TOX: variants seen among roughly 807,000 people sequenced by gnomAD.
The protein encoded by TOX is thymocyte selection-associated high mobility group box protein TOX.
In TOX, 11 loss-of-function variants were observed where a neutral mutation model predicts 53.7. The observed-to-expected ratio is 0.20, with a 90% CI of 0.13 to 0.34. TOX has a LOEUF of 0.34. TOX is among the 10% of genes least tolerant of loss of function. TOX has a pLI of 1.00. For missense variants in TOX, 570 were observed against 664.6 expected (o/e 0.86, Z 1.56); for synonymous variants, 225 against 245.3 (o/e 0.92, Z 0.77).
chr8:59,059,750 G>C (rs967317), intron 1 of TOX, among the ~76,000 whole-genome samples: 99,494 of 152,058 alleles, frequency 0.65, 33,905 homozygotes, highest in Middle Eastern at 0.77. Context: ...CTTATGTACA[G>C]AGTGTGGGAG....
chr8:58,968,304 T>C (rs1812940078), intron 1 of TOX, among the ~76,000 whole-genome samples: 3 of 152,136 alleles, frequency 2.0e-5, no homozygotes, highest in African/African-American at 7.2e-5. Flanking sequence ...TATCAGAAAA[T>C]GAGGAGCAAA....
intron 1 of TOX, among the ~76,000 whole-genome samples, chr8:59,100,404 T>C (rs2129424338): frequency 6.6e-6 from 1 of 152,318 alleles, no homozygotes; most frequent in East Asian, 1.9e-4. Context: ...GAATGGCTGA[T>C]TGTCCCAAGG....
intron 1 of TOX, among the ~76,000 whole-genome samples, chr8:59,106,691 A>G (rs1232994602): frequency 6.6e-6 from 1 of 152,154 alleles, no homozygotes; most frequent in Non-Finnish European, 1.5e-5. Context: ...TAAAATCTCC[A>G]TTCACATTCC....
intron 1 of TOX, among the ~76,000 whole-genome samples, chr8:58,976,896 C>G (rs1443271117): frequency 6.6e-6 from 1 of 152,194 alleles, no homozygotes; most frequent in Admixed American, 6.5e-5. Flanking sequence ...GCAAACCATG[C>G]TGTAAAAGGA....
intron 1 of TOX, among the ~76,000 whole-genome samples, chr8:59,088,605 G>A (rs1045670299): frequency 2.6e-5 from 4 of 152,202 alleles, no homozygotes; most frequent in Non-Finnish European, 4.4e-5. Flanking sequence ...AACAAGCCCC[G>A]GGTATTAGTC....
intron 3 of TOX, among the ~76,000 whole-genome samples, chr8:58,928,086 T>C (rs10089981): frequency 0.013 from 1,986 of 152,352 alleles, 56 homozygotes; most frequent in African/African-American, 0.046. Context: ...AAGTTTAATA[T>C]ATGTAACCCA....
intron 3 of TOX, among the ~76,000 whole-genome samples, chr8:58,921,500 A>G (rs1176673520): frequency 1.3e-5 from 2 of 152,238 alleles, no homozygotes; most frequent in Non-Finnish European, 2.9e-5. Flanking sequence ...TAAGGCCCAT[A>G]TAAGTTAAGT....
intron 1 of TOX, among the ~76,000 whole-genome samples, chr8:59,000,875 T>C (rs1046552893): frequency 6.6e-6 from 1 of 152,090 alleles, no homozygotes; most frequent in African/African-American, 2.4e-5. Flanking sequence ...AGAAAATAAA[T>C]AAACAGTTCA....
chr8:58,866,668 A>G (rs1009796074), intron 3 of TOX, among the ~76,000 whole-genome samples: 1 of 152,212 alleles, frequency 6.6e-6, no homozygotes, highest in East Asian at 1.9e-4. Context: ...ACATTTATAA[A>G]TTGATATTTG....
At chr8:58,905,625 T>C (rs975688835) in intron 3 of TOX, among the ~76,000 whole-genome samples, 11 of 152,220 alleles carry the variant, frequency 7.2e-5, no homozygotes, top group Admixed American at 5.9e-4. Flanking sequence ...TTGCTGAATT[T>C]ACTTTTTGTG....
intron 1 of TOX, among the ~76,000 whole-genome samples, chr8:59,054,327 A>C (rs1287500948): frequency 6.6e-6 from 1 of 152,202 alleles, no homozygotes; most frequent in Admixed American, 6.5e-5. Context: ...CTTTGGCAGA[A>C]AGAAGGCAAG....
intron 2 of TOX, among the ~76,000 whole-genome samples, chr8:58,948,327 T>A (rs1812559010): frequency 6.6e-6 from 1 of 152,180 alleles, no homozygotes; most frequent in Non-Finnish European, 1.5e-5. Flanking sequence ...ATGCAGGGCT[T>A]TCTCCCGCCA....
chr8:58,878,177 G>A (rs1048406860), intron 3 of TOX, among the ~76,000 whole-genome samples: 2 of 151,024 alleles, frequency 1.3e-5, no homozygotes, highest in African/African-American at 2.4e-5. Flanking sequence ...GTGGAAAGAG[G>A]CAATGACTCA....
intron 4 of TOX, among the ~76,000 whole-genome samples, chr8:58,838,839 CT>C (rs1810594584): frequency 6.6e-6 from 1 of 151,492 alleles, no homozygotes; most frequent in Non-Finnish European, 1.5e-5. Flanking sequence ...ACAGCTGGGA[CT>C]ACAGACGCGC....
chr8:59,008,149 C>A lies in TOX; in HGVS notation c.103-48141G>T, dbSNP rs570574539. 3.9e-5 allele frequency among the ~76,000 whole-genome samples: 6 copies of A among 152,290 alleles called. No homozygotes were observed. The East Asian group carries it at 1.2e-3, about 29-fold the overall frequency. On this transcript the variant is annotated intron_variant, in intron 1 of 8. Coordinates refer to ENST00000361421, the MANE Select transcript of TOX (RefSeq NM_014729.3). ...AAAACAGTTTTTCTTGGAATGATTG[C>A]CATTTCCCTCAGGTCAGTTGGTAAA...
At chr8:59,015,319 TAC>T (rs1813987756) in intron 1 of TOX, among the ~76,000 whole-genome samples, 1 of 152,218 alleles carries the variant, frequency 6.6e-6, no homozygotes, top group African/African-American at 2.4e-5. Flanking sequence ...CAAATTAAAT[TAC>T]AGAGATTTCT....
chr8:59,027,838 A>G (rs568949633), intron 1 of TOX, among the ~76,000 whole-genome samples: 1 of 152,236 alleles, frequency 6.6e-6, no homozygotes, highest in African/African-American at 2.4e-5. Context: ...ATATTTGAAC[A>G]TGGTAATAGG....
Position 59,118,531 on chromosome 8 carries a change from C to T in TOX, c.102+355G>A, listed in dbSNP as rs1805149257. The stretch of plus-strand genomic sequence containing the variant: ...CTGGGAAATAAACTGAATTCTCTTA[C>T]TCTGCCTCCGTTCCTGGACCCCAGA... On this transcript the variant is annotated intron_variant, in intron 1 of 8. Coordinates refer to ENST00000361421, the MANE Select transcript of TOX (RefSeq NM_014729.3). The surrounding 1 kb of genome is among the most constrained non-coding windows in gnomAD (Gnocchi z 4.1). Among the ~76,000 whole-genome samples the T allele has an allele frequency of 6.6e-6, 1 of 152,188 alleles. No homozygotes were observed. Among genetic ancestry groups the T allele is most frequent in the Non-Finnish European group, 1.5e-5 (1 of 68,038 alleles).
intron 5 of TOX, among the ~76,000 whole-genome samples, chr8:58,828,492 T>C (rs1046489207): frequency 6.6e-6 from 1 of 152,178 alleles, no homozygotes; most frequent in African/African-American, 2.4e-5. Flanking sequence ...CAGAGTTTTT[T>C]TTTTTTAAGC....
Sources: allele counts gnomAD v4.1 joint callset (sites outside exome capture counted in the v4.1 genomes callset), GRCh38; gene constraint gnomAD v4.1.1; non-coding constraint Gnocchi (gnomAD v3.1); transcripts MANE v1.5; gene names NCBI Gene and HGNC (gene_info 2026-07-23, HGNC 2026-07-21).